The following GPHN variants were observed in gnomAD, a reference collection of about 807,000 sequenced individuals.
The protein encoded by GPHN is gephyrin.
GPHN carries 17 observed loss-of-function variants against 95.5 expected under a neutral mutation model. The ratio of observed to expected loss-of-function variants is 0.18; its 90% CI spans 0.12 to 0.27. The LOEUF (loss-of-function observed/expected upper bound fraction) is 0.27, where lower values mean the gene tolerates loss of function less well. GPHN is among the 10% of genes least tolerant of loss of function. The pLI is 1.00. For missense variants in GPHN, 660 were observed against 978.1 expected, an observed-to-expected ratio of 0.67 and a Z score of 4.34; for synonymous variants, 320 against 322.5, an observed-to-expected ratio of 0.99 and a Z score of 0.08.
intron 10 of GPHN, among the ~76,000 whole-genome samples, chr14:67,042,107 G>A (rs2074737122): frequency 6.6e-6 from 1 of 151,720 alleles, no homozygotes; most frequent in Non-Finnish European, 1.5e-5. Flanking sequence ...GTGGATTCTG[G>A]ATATTAGCCC....
chr14:66,592,867 A>G (rs3986277), intron 1 of GPHN, among the ~76,000 whole-genome samples: 6 of 152,328 alleles, frequency 3.9e-5, no homozygotes, highest in African/African-American at 7.2e-5. Context: ...TATTGCAGCA[A>G]TATTCACAAT....
the GPHN span, among the ~76,000 whole-genome samples, chr14:67,192,790 G>T: frequency 6.8e-6 from 1 of 146,958 alleles, no homozygotes. Context: ...ATATATGTAT[G>T]TGTGTGTATA....
chr14:66,657,825 A>G (rs1008877237), intron 1 of GPHN, among the ~76,000 whole-genome samples: 1 of 152,200 alleles, frequency 6.6e-6, no homozygotes, highest in Non-Finnish European at 1.5e-5. Flanking sequence ...GAAAATGTAC[A>G]AAGAGAATAA....
At chr14:67,621,323 G>A in the GPHN span, among the ~76,000 whole-genome samples, 2 of 152,116 alleles carry the variant, frequency 1.3e-5, no homozygotes, top group East Asian at 1.9e-4. Flanking sequence ...TATCAGTCTC[G>A]CCAGTTTTCT....
At chr14:66,516,680 CTA>C (rs763946101) in intron 1 of GPHN, among the ~76,000 whole-genome samples, 1 of 152,184 alleles carries the variant, frequency 6.6e-6, no homozygotes, top group African/African-American at 2.4e-5. Flanking sequence ...AAAATCCACT[CTA>C]TGAGTGAAAG....
At chr14:67,415,415 A>C in the GPHN span, among the ~76,000 whole-genome samples, 1 of 152,338 alleles carries the variant, frequency 6.6e-6, no homozygotes, top group South Asian at 2.1e-4. Context: ...CTGTGTAAAT[A>C]GTATTATGAT....
At chr14:66,518,075 A>G (rs892948813) in intron 1 of GPHN, among the ~76,000 whole-genome samples, 7 of 151,518 alleles carry the variant, frequency 4.6e-5, no homozygotes, top group Non-Finnish European at 1.0e-4. Context: ...TATACAAGAA[A>G]CTCAAACATC....
At chr14:67,009,245 T>C (rs1242494884) in intron 9 of GPHN, among the ~76,000 whole-genome samples, 1 of 152,188 alleles carries the variant, frequency 6.6e-6, no homozygotes, top group East Asian at 1.9e-4. Context: ...TTGTTATTAA[T>C]TTTTGTGTTT....
Position 66,863,191 on chromosome 14 carries a change from T to C in GPHN, c.295-16748T>C, listed in dbSNP as rs2063097132. Among the ~76,000 whole-genome samples the C allele has an allele frequency of 2.1e-5, 3 of 140,358 alleles. No homozygotes were observed. The South Asian group carries it at 6.7e-4, about 32-fold the overall frequency. 92.1% of individuals were successfully genotyped at this position (140,358 alleles called of 152,430 possible). A position where few individuals can be genotyped will look rare whatever the true frequency, so the allele number is the denominator to read the frequency against. On this transcript the variant is annotated intron_variant, in intron 4 of 22. Transcript: ENST00000478722. ...ATTTCTATATGCCAACAGTGAACAA[T>C]CTGAAAAAGAAAAAAAAAAAAGTCC... is the stretch of plus-strand genomic sequence containing the variant.
At chr14:66,591,766 A>G (rs1388512026) in intron 1 of GPHN, among the ~76,000 whole-genome samples, 1 of 152,240 alleles carries the variant, frequency 6.6e-6, no homozygotes, top group Non-Finnish European at 1.5e-5. Flanking sequence ...ATCCCAATCA[A>G]GCTACCATTA....
chr14:67,113,463 T>C (rs746614497), intron 16 of GPHN, among the ~76,000 whole-genome samples: 4 of 152,234 alleles, frequency 2.6e-5, no homozygotes, highest in East Asian at 1.9e-4. Context: ...CAAAAAACTT[T>C]AGCTGCTAGC....
the GPHN span, among the ~76,000 whole-genome samples, chr14:67,288,964 CTTTTTTT>C: frequency 2.8e-5 from 3 of 107,076 alleles, no homozygotes; most frequent in Admixed American, 1.0e-4. Flanking sequence ...TCTTTATTTC[CTTTTTTT>C]TTTTTTTTTT....
chr14:67,651,654 A>ACTGT, the GPHN span: 807 of 555,020 alleles, frequency 1.5e-3, 9 homozygotes, highest in African/African-American at 0.014. Context: ...TAGGGATAAC[A>ACTGT]CTGTCTACCT....
At chr14:67,329,552 C>T in the GPHN span, among the ~76,000 whole-genome samples, 76 of 152,186 alleles carry the variant, frequency 5.0e-4, no homozygotes, top group African/African-American at 1.4e-3. Context: ...CCCTGTCTTG[C>T]GCCAGTTTTC....
At chr14:67,484,511 A>G in the GPHN span, among the ~76,000 whole-genome samples, 1 of 152,256 alleles carries the variant, frequency 6.6e-6, no homozygotes, top group Non-Finnish European at 1.5e-5. Flanking sequence ...ACAGAATGAC[A>G]TAGAAAGCAA....
intron 11 of GPHN, among the ~76,000 whole-genome samples, chr14:67,073,519 TAC>T (rs1202002105): frequency 1.3e-5 from 2 of 152,192 alleles, no homozygotes; most frequent in African/African-American, 2.4e-5. Context: ...TTTTTATATT[TAC>T]ACAGTTATTT....
chr14:66,679,233 C>T (rs1419798996), intron 1 of GPHN, among the ~76,000 whole-genome samples: 1 of 152,184 alleles, frequency 6.6e-6, no homozygotes, highest in Non-Finnish European at 1.5e-5. Flanking sequence ...CTTTTGGATT[C>T]AATTTATCTC....
intron 2 of GPHN, among the ~76,000 whole-genome samples, chr14:66,761,670 T>C (rs896742364): frequency 6.6e-6 from 1 of 151,504 alleles, no homozygotes; most frequent in African/African-American, 2.4e-5. Flanking sequence ...TTTTTTTTTT[T>C]TTTTTTTGAG....
At chr14:67,036,329 C>T (rs1299648466) in intron 10 of GPHN, among the ~76,000 whole-genome samples, 1 of 151,094 alleles carries the variant, frequency 6.6e-6, no homozygotes, top group Non-Finnish European at 1.5e-5. Flanking sequence ...CAAAGATGCT[C>T]ATTTTTGCCA....
Sources: gnomAD v4.1 joint callset for allele counts (sites outside exome capture counted in the v4.1 genomes callset) on GRCh38, gnomAD v4.1.1 for gene constraint, MANE v1.5 for transcripts, NCBI Gene and HGNC (gene_info 2026-07-23, HGNC 2026-07-21) for gene names.